The following DIP2C variants were observed in gnomAD, a reference collection of about 807,000 sequenced individuals.
DIP2C encodes the protein DIP2 acetate--CoA ligase C (putative).
In DIP2C, 33 loss-of-function variants were observed where a neutral mutation model predicts 192.4. The observed-to-expected ratio is 0.17, with a 90% CI of 0.13 to 0.23. DIP2C has a LOEUF of 0.23. Ranked by LOEUF, DIP2C falls within the 10% of genes least tolerant of loss-of-function variation. The pLI, the probability that DIP2C is intolerant of heterozygous loss-of-function variation, is 1.00. For missense variants in DIP2C, 1,537 were observed against 2,110.1 expected, an observed-to-expected ratio of 0.73 and a Z score of 5.32; for synonymous variants, 979 against 864.1, an observed-to-expected ratio of 1.13 and a Z score of -2.33.
chr10:548,664 G>A (rs898704264), intron 1 of DIP2C, among the ~76,000 whole-genome samples: 6 of 151,486 alleles, frequency 4.0e-5, no homozygotes, highest in East Asian at 1.9e-4. Context: ...TGATGTGGCC[G>A]GGGGAGGAGA....
At chr10:499,351 T>A (rs1387205639) in intron 1 of DIP2C, among the ~76,000 whole-genome samples, 1 of 152,206 alleles carries the variant, frequency 6.6e-6, no homozygotes, top group African/African-American at 2.4e-5. Context: ...CTGGGCTGCA[T>A]CAGTCTGTTT....
intron 28 of DIP2C, among the ~76,000 whole-genome samples, chr10:341,827 T>C (rs1564583414): frequency 6.6e-6 from 1 of 152,130 alleles, no homozygotes; most frequent in Non-Finnish European, 1.5e-5. Context: ...TGCAGTGAGC[T>C]ATGATTACCA....
chr10:637,936 G>A (rs1057056587), intron 1 of DIP2C, among the ~76,000 whole-genome samples: 3 of 152,178 alleles, frequency 2.0e-5, no homozygotes, highest in Non-Finnish European at 2.9e-5. Context: ...AGAGCTGACT[G>A]AGAGACACAA....
At chr10:416,253 G>A (rs1016620995) in intron 6 of DIP2C, among the ~76,000 whole-genome samples, 1 of 152,094 alleles carries the variant, frequency 6.6e-6, no homozygotes, top group Non-Finnish European at 1.5e-5. Context: ...CTTCTCAACA[G>A]GGTGAGACCA....
intron 1 of DIP2C, among the ~76,000 whole-genome samples, chr10:508,531 T>C (rs1845785990): frequency 6.6e-6 from 1 of 152,202 alleles, no homozygotes; most frequent in African/African-American, 2.4e-5. Context: ...ACCATTGTGC[T>C]GGTTCCGGAT....
At position 636,607 on chromosome 10, in the gene DIP2C, A is replaced by G. The variant is rs1006626161; in HGVS notation, c.85+52887T>C. 5.9e-5 allele frequency among the ~76,000 whole-genome samples: 9 copies of G among 152,192 alleles called. No individual in the cohort carries two copies. The highest frequency in any genetic ancestry group is 3.3e-4 in the Admixed American group (5 of 15,286). On this transcript the variant is annotated intron_variant, in intron 1 of 36. Coordinates refer to ENST00000280886, the MANE Select transcript of DIP2C (RefSeq NM_014974.3). This position sits in a 1 kb window ranked among gnomAD's most constrained non-coding sequence, Gnocchi z 4.6. ...AGCATCGCTGTCCACTTTATATTCA[A>G]TAAGCACAATTCTCCCGAAAACGTC...
intron 10 of DIP2C, among the ~76,000 whole-genome samples, chr10:398,148 C>T (rs1041094842): frequency 1.3e-5 from 2 of 152,194 alleles, no homozygotes; most frequent in East Asian, 1.9e-4. Context: ...TAGACAATCT[C>T]CTTCCCTTTC....
At position 414,901 on chromosome 10, in the gene DIP2C, TATA is replaced by T. The variant is rs1181695965; in HGVS notation, c.860-794_860-792del. Among the ~76,000 whole-genome samples the T allele has an allele frequency of 1.1e-3, 119 of 104,556 alleles. 1 individual carries two copies. The highest frequency in any genetic ancestry group is 1.9e-3 in the African/African-American group (53 of 28,368). The allele number at this position is 104,556 out of a possible 152,430, so 68.6% of individuals were successfully genotyped here. ...GTGTGTGTGTGTGTGTATATATATA[TATA>T]TATTTTTTTTTTTTTTTGGTAGAGA... On this transcript the variant is annotated intron_variant, in intron 7 of 36. Transcript: ENST00000280886.
rs572561874 is a variant in DIP2C at position 607,564 on chromosome 10, C to T, written c.85+81930G>A. Among the ~76,000 whole-genome samples the T allele has an allele frequency of 5.9e-5, 9 of 152,270 alleles. No individual in the cohort carries two copies. The South Asian group carries it at 1.7e-3, about 28-fold the overall frequency. On this transcript the variant is annotated intron_variant, in intron 1 of 36. Coordinates refer to ENST00000280886, the MANE Select transcript of DIP2C (RefSeq NM_014974.3). ...ACGTGGCTAAACTGTTCTGATAAACCCAGCATAAGCTGAAAATATCCTAAA... is the reference window on the plus strand; with the variant it reads ...ACGTGGCTAAACTGTTCTGATAAACTCAGCATAAGCTGAAAATATCCTAAA...
chr10:672,893 A>G (rs11253315), intron 1 of DIP2C, among the ~76,000 whole-genome samples: 6,994 of 152,332 alleles, frequency 0.046, 195 homozygotes, highest in East Asian at 0.14. Flanking sequence ...TTTGTCATCC[A>G]TGACACACAT....
intron 18 of DIP2C, among the ~76,000 whole-genome samples, chr10:367,458 G>C (rs1960412838): frequency 6.6e-6 from 1 of 151,360 alleles, no homozygotes; most frequent in South Asian, 2.1e-4. Context: ...TACACTGAAA[G>C]ATTCTTCACC....
chr10:414,742 C>CATAT (rs1554848029), intron 7 of DIP2C, among the ~76,000 whole-genome samples: 2 of 112,550 alleles, frequency 1.8e-5, no homozygotes, highest in South Asian at 6.0e-4. Flanking sequence ...TGTGTGTGTA[C>CATAT]ATATATATAT....
intron 29 of DIP2C, among the ~76,000 whole-genome samples, chr10:339,697 A>T (rs1362408913): frequency 6.6e-6 from 1 of 152,184 alleles, no homozygotes; most frequent in East Asian, 1.9e-4. Flanking sequence ...AAGAAAAAAA[A>T]ATTTACTCAC....
At chr10:629,120 T>C (rs1420623343) in intron 1 of DIP2C, among the ~76,000 whole-genome samples, 3 of 151,684 alleles carry the variant, frequency 2.0e-5, no homozygotes, top group African/African-American at 7.3e-5. Flanking sequence ...AAAAAGAAAA[T>C]AAAGGCTGGT....
At chr10:605,970 C>G (rs971210409) in intron 1 of DIP2C, among the ~76,000 whole-genome samples, 1 of 152,190 alleles carries the variant, frequency 6.6e-6, no homozygotes, top group Admixed American at 6.5e-5. Context: ...GTCCCACTTG[C>G]GAGACGTTCC....
intron 1 of DIP2C, among the ~76,000 whole-genome samples, chr10:631,540 G>A (rs1223703329): frequency 3.9e-5 from 6 of 152,094 alleles, no homozygotes; most frequent in Non-Finnish European, 7.4e-5. Flanking sequence ...TAGCACCTCT[G>A]GGCGCCAACA....
At chr10:634,310 GCGGTTTGTTACTTTTCACCTGC>G (rs1222659882) in intron 1 of DIP2C, among the ~76,000 whole-genome samples, 1 of 152,186 alleles carries the variant, frequency 6.6e-6, no homozygotes, top group Non-Finnish European at 1.5e-5. Context: ...GAGTTTTCTG[GCGGTTTGTTACTTTTCACCTGC>G]CCGTCCAAGG....
At chr10:659,627 T>C (rs1588706294) in intron 1 of DIP2C, among the ~76,000 whole-genome samples, 2 of 151,590 alleles carry the variant, frequency 1.3e-5, no homozygotes, top group South Asian at 4.2e-4. Flanking sequence ...ATTCTCAAAC[T>C]TGAATTGAAC....
At chr10:541,850 G>C (rs1848008747) in intron 1 of DIP2C, among the ~76,000 whole-genome samples, 1 of 152,104 alleles carries the variant, frequency 6.6e-6, no homozygotes, top group African/African-American at 2.4e-5. Flanking sequence ...ACCCTGTCTA[G>C]TGCATCCCTG....
Sources: gnomAD v4.1 joint callset for allele counts (sites outside exome capture counted in the v4.1 genomes callset) on GRCh38, gnomAD v4.1.1 for gene constraint, Gnocchi (gnomAD v3.1) non-coding constraint, MANE v1.5 for transcripts, NCBI Gene and HGNC (gene_info 2026-07-23, HGNC 2026-07-21) for gene names.